GPAT4: variants seen among roughly 807,000 people sequenced by gnomAD.
The protein encoded by GPAT4 is 1-AGP acyltransferase 6.
In GPAT4, 17 loss-of-function variants were observed where a neutral mutation model predicts 58.0. That is an observed-to-expected ratio of 0.29 (90% CI 0.20 to 0.44). The LOEUF (loss-of-function observed/expected upper bound fraction) is 0.44. Ranked by LOEUF, GPAT4 falls within the 20% of genes least tolerant of loss-of-function variation. The pLI is 1.00. For missense variants in GPAT4, 377 were observed against 574.5 expected (o/e 0.66, Z 3.51); for synonymous variants, 204 against 210.1 (o/e 0.97, Z 0.25).
chr8:41,603,982 A>C (rs1803182533), intron 2 of GPAT4, among the ~76,000 whole-genome samples: 1 of 152,090 alleles, frequency 6.6e-6, no homozygotes, highest in South Asian at 2.1e-4. Context: ...AGCCAGACAG[A>C]CATTAGAAAA....
chr8:41,596,780 G>A (rs369567932), intron 1 of GPAT4, among the ~76,000 whole-genome samples: 53 of 152,318 alleles, frequency 3.5e-4, no homozygotes, highest in African/African-American at 1.1e-3. Flanking sequence ...AGGACTAGCC[G>A]CGGACAAGAA....
At chr8:41,615,799 C>T (rs1016670121) in intron 10 of GPAT4, among the ~76,000 whole-genome samples, 2 of 152,236 alleles carry the variant, frequency 1.3e-5, no homozygotes, top group African/African-American at 2.4e-5. Context: ...GAGTCAGGCT[C>T]ACACTTAGAA....
intron 1 of GPAT4, among the ~76,000 whole-genome samples, chr8:41,581,796 T>C (rs1802516633): frequency 6.8e-6 from 1 of 146,300 alleles, no homozygotes; most frequent in African/African-American, 2.5e-5. Flanking sequence ...GCCCGGCTAA[T>C]TTTTTTTTTG....
chr8:41,609,287 A>G, intron 2 of GPAT4, 129 bp from the exon 3 acceptor site: 1 of 966,634 alleles, frequency 1.0e-6, no homozygotes, highest in Non-Finnish European at 1.6e-6. Flanking sequence ...TTCCTTCTAG[A>G]CTATGTGCTT....
chr8:41,587,590 T>C (rs893619764), intron 1 of GPAT4, among the ~76,000 whole-genome samples: 15 of 152,180 alleles, frequency 9.9e-5, no homozygotes, highest in African/African-American at 3.4e-4. Context: ...GTGTGGGAGC[T>C]GTCCTGTGCA....
At chr8:41,587,448 A>G (rs2150482576) in intron 1 of GPAT4, among the ~76,000 whole-genome samples, 1 of 152,292 alleles carries the variant, frequency 6.6e-6, no homozygotes, top group African/African-American at 2.4e-5. Flanking sequence ...GGAGACGTTG[A>G]TGTTTGTTTT....
At chr8:41,607,532 TTC>T (rs1283099459) in intron 2 of GPAT4, among the ~76,000 whole-genome samples, 2 of 151,050 alleles carry the variant, frequency 1.3e-5, no homozygotes, top group South Asian at 2.1e-4. Flanking sequence ...AGAATCAAGT[TTC>T]TCTCTCTTTT....
chr8:41,589,006 C>T (rs1281190225), intron 1 of GPAT4, among the ~76,000 whole-genome samples: 4 of 152,186 alleles, frequency 2.6e-5, no homozygotes. Flanking sequence ...CCCCAGCTCA[C>T]ATTCTTAAGG....
At chr8:41,602,363 G>A (rs1020287441) in intron 2 of GPAT4, among the ~76,000 whole-genome samples, 22 of 152,226 alleles carry the variant, frequency 1.4e-4, no homozygotes, top group Admixed American at 9.2e-4. Flanking sequence ...CTTCCTTAGA[G>A]GTGTGTGCCA....
At chr8:41,608,955 G>T (rs539206053) in intron 2 of GPAT4, among the ~76,000 whole-genome samples, 1 of 152,264 alleles carries the variant, frequency 6.6e-6, no homozygotes, top group East Asian at 1.9e-4. Context: ...CCAAACATAT[G>T]TATTACTTAA....
chr8:41,610,903 C>A, intron 5 of GPAT4, 93 bp downstream of exon 5: 1 of 1,321,332 alleles, frequency 7.6e-7, no homozygotes, highest in Non-Finnish European at 1.0e-6. Flanking sequence ...TTGGACACAA[C>A]CAAAGCCATG....
At chr8:41,609,579 G>T in intron 3 of GPAT4, 76 bp from the exon 4 acceptor site, 1 of 1,602,330 alleles carries the variant, frequency 6.2e-7, no homozygotes, top group Non-Finnish European at 8.6e-7. Context: ...CTGCATTAGT[G>T]CAGGATGTGT....
rs71230849 is a variant in GPAT4, at chr8:41,581,993, A to ATTTTTTTTTTT, written c.-849+3737_-849+3747dup. On this transcript the variant is annotated intron_variant, in intron 1 of 12. Transcript: ENST00000396987. ...AGCTTAAATCAAGGGAAGTTCAATG[A>ATTTTTTTTTTT]TTTTTTTTTTTTTTTTTTTTTTTTT... Among the ~76,000 whole-genome samples the ATTTTTTTTTTT allele has an allele frequency of 1.4e-4, 9 of 63,608 alleles. 1 individual carries two copies. Among genetic ancestry groups the ATTTTTTTTTTT allele is most frequent in the Non-Finnish European group, 1.6e-4 (6 of 36,928 alleles). The allele number at this position is 63,608 out of a possible 152,430, so 41.7% of individuals were successfully genotyped here.
rs140375193 is a variant in GPAT4 at position 41,616,142 on chromosome 8, G to A, written c.1053+1094G>A. Among the ~76,000 whole-genome samples, 432 of 152,328 alleles carry A rather than the reference G, an allele frequency of 2.8e-3. 1 individual carries two copies. Among genetic ancestry groups the A allele is most frequent in the Non-Finnish European group, 4.6e-3 (311 of 68,028 alleles). Reference sequence around the variant, plus strand: ...TCTGCATCCTGCATTCTGGCAAAACGAGGACAGGTGCTTTGCAGTGTGACC... The same window carrying A: ...TCTGCATCCTGCATTCTGGCAAAACAAGGACAGGTGCTTTGCAGTGTGACC... On this transcript the variant is annotated intron_variant, in intron 10 of 12. Coordinates refer to ENST00000396987, the MANE Select transcript of GPAT4 (RefSeq NM_178819.4).
chr8:41,580,081 A>G (rs949268316), intron 1 of GPAT4, among the ~76,000 whole-genome samples: 1 of 152,348 alleles, frequency 6.6e-6, no homozygotes, highest in East Asian at 1.9e-4. Context: ...GAAGACGCTT[A>G]CATTCATGAA....
At chr8:41,605,411 C>G (rs777561323) in intron 2 of GPAT4, among the ~76,000 whole-genome samples, 1 of 152,174 alleles carries the variant, frequency 6.6e-6, no homozygotes, top group Non-Finnish European at 1.5e-5. Flanking sequence ...TCTAGAAGCA[C>G]AGTTGATAAA....
At chr8:41,597,908 T>G (rs1002595471) in intron 1 of GPAT4, among the ~76,000 whole-genome samples, 1 of 152,228 alleles carries the variant, frequency 6.6e-6, no homozygotes. Flanking sequence ...TTGGGAAGAA[T>G]ACAAAGGTGG....
chr8:41,588,710 T>C (rs1351829560), intron 1 of GPAT4, among the ~76,000 whole-genome samples: 1 of 152,202 alleles, frequency 6.6e-6, no homozygotes, highest in African/African-American at 2.4e-5. Flanking sequence ...CAGTGAGTAT[T>C]TGTTGAATGA....
intron 1 of GPAT4, among the ~76,000 whole-genome samples, chr8:41,581,601 G>A (rs528708969): frequency 6.7e-6 from 1 of 149,248 alleles, no homozygotes; most frequent in Admixed American, 6.7e-5. Flanking sequence ...ACAGACATGA[G>A]CCACCATGCC....
Sources: allele counts gnomAD v4.1 joint callset (sites outside exome capture counted in the v4.1 genomes callset), GRCh38; gene constraint gnomAD v4.1.1; transcripts MANE v1.5; gene names NCBI Gene and HGNC (gene_info 2026-07-23, HGNC 2026-07-21).